The following SNTG2 variants were observed in gnomAD, a reference collection of about 807,000 sequenced individuals.
SNTG2 encodes the protein gamma-2-syntrophin.
Under a neutral mutation model 70.9 loss-of-function variants are expected in SNTG2, and 74 were observed. That is an observed-to-expected ratio of 1.04 (90% CI 0.86 to 1.27). The LOEUF (loss-of-function observed/expected upper bound fraction) is 1.27. Among genes scored for constraint, SNTG2 ranks in the 50% most tolerant of loss-of-function variants. SNTG2 has a pLI of 0.00. For missense variants in SNTG2, 717 were observed against 690.7 expected (o/e 1.04, Z -0.43); for synonymous variants, 278 against 273.8 (o/e 1.02, Z -0.15).
intron 1 of SNTG2, among the ~76,000 whole-genome samples, chr2:955,479 T>C (rs1660110679): frequency 6.6e-6 from 1 of 152,246 alleles, no homozygotes; most frequent in African/African-American, 2.4e-5. Context: ...ACAAACTTTC[T>C]TCTTGTACTC....
At chr2:1,113,441 T>G (rs1020150674) in intron 4 of SNTG2, among the ~76,000 whole-genome samples, 4 of 152,218 alleles carry the variant, frequency 2.6e-5, no homozygotes, top group Non-Finnish European at 5.9e-5. Flanking sequence ...GTGTACTAAG[T>G]GAGGTTTAAC....
intron 11 of SNTG2, among the ~76,000 whole-genome samples, chr2:1,244,903 T>C (rs892999277): frequency 6.6e-6 from 1 of 152,008 alleles, no homozygotes; most frequent in Non-Finnish European, 1.5e-5. Flanking sequence ...TTTGAAGATA[T>C]GGTCATCATT....
At chr2:1,366,549 T>G (rs553599006) in intron 16 of SNTG2, among the ~76,000 whole-genome samples, 1 of 152,292 alleles carries the variant, frequency 6.6e-6, no homozygotes, top group South Asian at 2.1e-4. Context: ...TGTTTCAGTT[T>G]TTTTATTGGG....
At chr2:1,207,778 C>A (rs1047506699) in intron 8 of SNTG2, among the ~76,000 whole-genome samples, 1 of 152,166 alleles carries the variant, frequency 6.6e-6, no homozygotes, top group African/African-American at 2.4e-5. Flanking sequence ...CCAACCAGAG[C>A]CAGTTCAGCG....
chr2:1,166,737 T>C (rs1175741514), intron 7 of SNTG2, among the ~76,000 whole-genome samples: 1 of 152,190 alleles, frequency 6.6e-6, no homozygotes, highest in Non-Finnish European at 1.5e-5. Flanking sequence ...AGTACCACCC[T>C]GGCCTACCAC....
chr2:1,224,312 C>G (rs1448435103), intron 9 of SNTG2, among the ~76,000 whole-genome samples: 2 of 152,196 alleles, frequency 1.3e-5, no homozygotes, highest in Non-Finnish European at 2.9e-5. Flanking sequence ...CCAAACTTTT[C>G]CATTACTATG....
chr2:1,234,387 AT>A (rs1398798226), intron 9 of SNTG2, among the ~76,000 whole-genome samples: 1 of 152,198 alleles, frequency 6.6e-6, no homozygotes, highest in Non-Finnish European at 1.5e-5. Context: ...GTTTCTGTTC[AT>A]TTGATACTTA....
At position 1,334,066 on chromosome 2, in the gene SNTG2, A is replaced by T. The variant is rs981545673; in HGVS notation, c.1488+17691A>T. 9.9e-5 allele frequency among the ~76,000 whole-genome samples: 15 copies of T among 152,212 alleles called. No individual in the cohort carries two copies. The South Asian group carries it at 1.0e-3, about 10-fold the overall frequency. ...TATTCGATAAAGGACTAATATCCAG[A>T]CTCTGCAAGGAACTCAAACAAACCA... On this transcript the variant is annotated intron_variant, in intron 16 of 16. Coordinates refer to ENST00000308624, the MANE Select transcript of SNTG2 (RefSeq NM_018968.4).
intron 1 of SNTG2, among the ~76,000 whole-genome samples, chr2:975,999 C>T (rs541204886): frequency 1.8e-4 from 28 of 152,268 alleles, no homozygotes; most frequent in Admixed American, 1.6e-3. Context: ...CTCTTGGTTA[C>T]GTATAATTAT....
intron 6 of SNTG2, among the ~76,000 whole-genome samples, chr2:1,138,511 G>A (rs1668544113): frequency 6.6e-6 from 1 of 152,170 alleles, no homozygotes; most frequent in Admixed American, 6.5e-5. Flanking sequence ...GGTGCCTGTG[G>A]GGTGGGGGCG....
chr2:1,223,658 T>G (rs1016352911), intron 9 of SNTG2, among the ~76,000 whole-genome samples: 1 of 152,246 alleles, frequency 6.6e-6, no homozygotes, highest in Non-Finnish European at 1.5e-5. Context: ...ATCATTCGTA[T>G]TGGGCCAAAT....
At chr2:1,347,278 G>T (rs1211861336) in intron 16 of SNTG2, among the ~76,000 whole-genome samples, 1 of 152,124 alleles carries the variant, frequency 6.6e-6, no homozygotes, top group Admixed American at 6.5e-5. Context: ...CTTGAGAGGG[G>T]TTAGAGCTCC....
At chr2:1,064,721 G>T (rs1663042467) in intron 1 of SNTG2, among the ~76,000 whole-genome samples, 1 of 152,042 alleles carries the variant, frequency 6.6e-6, no homozygotes, top group African/African-American at 2.4e-5. Context: ...GGGATACTAA[G>T]AAATATTTGA....
chr2:1,070,178 G>T (rs1663437202), intron 1 of SNTG2, among the ~76,000 whole-genome samples: 1 of 151,850 alleles, frequency 6.6e-6, no homozygotes, highest in Admixed American at 6.6e-5. Context: ...AGCAGGGAGG[G>T]AATTACCCTG....
chr2:1,138,497 G>A (rs539004060), intron 6 of SNTG2, among the ~76,000 whole-genome samples: 3 of 152,188 alleles, frequency 2.0e-5, no homozygotes, highest in Non-Finnish European at 2.9e-5. Context: ...CGCGTGGTCA[G>A]TCTGGTGCCT....
intron 9 of SNTG2, among the ~76,000 whole-genome samples, chr2:1,215,815 T>C (rs1674352689): frequency 6.6e-6 from 1 of 151,932 alleles, no homozygotes; most frequent in African/African-American, 2.4e-5. Flanking sequence ...TTTGGTTTTT[T>C]GTCCTTGTGA....
chr2:1,249,037 G>A (rs1677605806), intron 12 of SNTG2, among the ~76,000 whole-genome samples: 1 of 152,182 alleles, frequency 6.6e-6, no homozygotes, highest in Non-Finnish European at 1.5e-5. Context: ...GCAAGGCCCG[G>A]CTGGTAAACT....
chr2:1,050,716 C>T (rs1488008692), intron 1 of SNTG2, among the ~76,000 whole-genome samples: 1 of 152,182 alleles, frequency 6.6e-6, no homozygotes, highest in Non-Finnish European at 1.5e-5. Flanking sequence ...TATTATTAAA[C>T]AGCTTCCAAT....
Position 1,367,420 on chromosome 2 carries a change from C to T in SNTG2, c.1566C>T (p.Asp522=). 1.3e-6 allele frequency: 2 copies of T among 1,551,700 alleles called. No individual in the cohort carries two copies. Among genetic ancestry groups the T allele is most frequent in the Non-Finnish European group, 1.7e-6 (2 of 1,147,000 alleles). The stretch of plus-strand genomic sequence containing the variant: ...TAGCAGCCAAGGTGGCCTCCGTGGA[C>T]CCCGGCTTCATGGACAGTCAGAGTC... The part of the protein sequence containing the change: ...SFIAAKVASV[D]PGFMDSQSLA... Residue 522 remains aspartate (D), a synonymous_variant, in exon 17 of 17, where the codon GAC becomes GAT. Coordinates refer to ENST00000308624, the MANE Select transcript of SNTG2 (RefSeq NM_018968.4).
Sources: allele counts gnomAD v4.1 joint callset (sites outside exome capture counted in the v4.1 genomes callset), GRCh38; gene constraint gnomAD v4.1.1; transcripts MANE v1.5; gene names NCBI Gene and HGNC (gene_info 2026-07-23, HGNC 2026-07-21).